Variants in SEMA4F observed in about 807,000 individuals in gnomAD.
SEMA4F encodes the protein semaphorin-4F.
In SEMA4F, 51 loss-of-function variants were observed where a neutral mutation model predicts 78.4. The observed-to-expected ratio is 0.65, with a 90% CI of 0.52 to 0.82. SEMA4F has a LOEUF of 0.82. SEMA4F is among the 40% of genes least tolerant of loss of function. The probability of loss-of-function intolerance (pLI) is 0.00; values close to 1 mark genes in which losing one functional copy is unlikely to be tolerated. For synonymous variants in SEMA4F, 418 were observed against 408.7 expected (o/e 1.02, Z -0.27); for missense variants, 938 against 1,014.4 (o/e 0.92, Z 1.02).
chr2:74,661,133 G>A (rs1021500147), intron 4 of SEMA4F, among the ~76,000 whole-genome samples: 3 of 152,240 alleles, frequency 2.0e-5, no homozygotes, highest in Non-Finnish European at 4.4e-5. Context: ...AAGGGTTAAA[G>A]AGAATGAGAA....
chr2:74,671,914 G>A (rs930380181), intron 5 of SEMA4F, among the ~76,000 whole-genome samples: 3 of 152,124 alleles, frequency 2.0e-5, no homozygotes, highest in African/African-American at 7.2e-5. Context: ...TCCTGTTAAT[G>A]GATTCTACCT....
intron 12 of SEMA4F, among the ~76,000 whole-genome samples, chr2:74,676,328 C>T (rs898158117): frequency 1.3e-5 from 2 of 152,186 alleles, no homozygotes; most frequent in Admixed American, 6.5e-5. Flanking sequence ...GGGTTCAGTC[C>T]TGGACCCATT....
In SEMA4F at chr2:74,656,616, A is replaced by G; in HGVS notation, c.228A>G (p.Thr76=). 3 of 1,614,034 alleles carry G rather than the reference A, an allele frequency of 1.9e-6. No homozygotes were observed. The highest frequency in any genetic ancestry group is 2.5e-6 in the Non-Finnish European group (3 of 1,179,996). ...TCCTTGTGGATCCTGCCTCCCACAC[A>G]CTTTATGTTGGCGCCCGGGACACCA... ...SVLLVDPASH[T]LYVGARDTIF... The change falls in exon 2 of 14, where the codon ACA becomes ACG. Residue 76 remains threonine (T), a synonymous_variant. Coordinates refer to ENST00000357877, the MANE Select transcript of SEMA4F (RefSeq NM_004263.5).
the SEMA4F span, among the ~76,000 whole-genome samples, chr2:74,699,386 C>T: frequency 2.6e-5 from 4 of 152,176 alleles, no homozygotes; most frequent in Admixed American, 6.6e-5. Flanking sequence ...GATCAGATAC[C>T]TCCTAGGTTT....
downstream of SEMA4F, among the ~76,000 whole-genome samples, chr2:74,686,790 C>A (rs1470065758): frequency 6.6e-6 from 1 of 151,792 alleles, no homozygotes; most frequent in Non-Finnish European, 1.5e-5. Context: ...GAAAACCAAA[C>A]ACTGCATGTT....
chr2:74,663,451 C>T (rs1403744279), intron 5 of SEMA4F, among the ~76,000 whole-genome samples: 1 of 152,110 alleles, frequency 6.6e-6, no homozygotes, highest in Non-Finnish European at 1.5e-5. Flanking sequence ...CTGTATTCGT[C>T]CATTTGTGTT....
At position 74,680,087 on chromosome 2, in the gene SEMA4F, G is replaced by T. The variant is rs747479052; in HGVS notation, c.2191G>T (p.Ala731Ser). 6.2e-7 allele frequency: 1 copy of T among 1,613,990 alleles called. No individual in the cohort carries two copies. The highest frequency in any genetic ancestry group is 1.7e-4 in the Middle Eastern group (1 of 6,060). ...AGATGAGCGGTTGCCGCTGGCCCTG[G>T]CCAAGAGGGGCAGTGGCTTTGGTGG... ...PEDERLPLAL[A>S]KRGSGFGGFS... Residue 731 changes from alanine (A) to serine (S), a missense_variant, in exon 14 of 14, where the codon GCC (alanine) becomes TCC (serine). Ala to Ser is a moderately conservative substitution (Grantham distance 99). Transcript: ENST00000357877.
At position 74,658,206 on chromosome 2, in the gene SEMA4F, G is replaced by A. The variant is rs189490851; in HGVS notation, c.456+255G>A. Among the ~76,000 whole-genome samples the A allele has an allele frequency of 5.9e-5, 9 of 152,292 alleles. No homozygotes were observed. The highest frequency in any genetic ancestry group is 5.9e-4 in the Admixed American group (9 of 15,310). On this transcript the variant is annotated intron_variant, in intron 4 of 13. Coordinates refer to ENST00000357877, the MANE Select transcript of SEMA4F (RefSeq NM_004263.5). This position sits in a 1 kb window ranked among gnomAD's most constrained non-coding sequence, Gnocchi z 4.3. ...TACAAAGTGTGAAGAGAGACATAGT[G>A]GGATAGTTAAGGAAGTTAGGGATGC...
chr2:74,694,774 A>G, the SEMA4F span, among the ~76,000 whole-genome samples: 1 of 152,254 alleles, frequency 6.6e-6, no homozygotes, highest in Non-Finnish European at 1.5e-5. Flanking sequence ...GCTGTAGGGA[A>G]TACAGAAGTG....
intron 5 of SEMA4F, among the ~76,000 whole-genome samples, chr2:74,665,902 G>GT (rs1203822562): frequency 0.011 from 1,551 of 135,682 alleles, 5 homozygotes; most frequent in Middle Eastern, 0.023. Flanking sequence ...AGTAATTTTT[G>GT]TTTTTTTTTT....
the SEMA4F span, among the ~76,000 whole-genome samples, chr2:74,696,436 G>T: frequency 1.3e-5 from 2 of 152,080 alleles, no homozygotes; most frequent in African/African-American, 4.8e-5. Context: ...GACCTCAGGT[G>T]ATCCACCCAC....
chr2:74,696,588 TA>T, the SEMA4F span, among the ~76,000 whole-genome samples: 3 of 151,998 alleles, frequency 2.0e-5, no homozygotes, highest in Admixed American at 1.3e-4. Flanking sequence ...GGGTGAGGGA[TA>T]AAAAAACTAC....
At position 74,654,254 on chromosome 2, in the gene SEMA4F, C is replaced by G; in HGVS notation, c.-123C>G. On this transcript the variant is annotated 5_prime_UTR_variant, in exon 1 of 14. In the 5' UTR this introduces an upstream ATG that the reference lacks. Transcript: ENST00000357877. ...GGGGCGGAGCCGGGCGGTGTTTCAT[C>G]CCTCAGCCTCAGGCTGAGCCGGACC... 1 of 1,152,974 alleles carries G rather than the reference C, an allele frequency of 8.7e-7. No individual in the cohort carries two copies. Among genetic ancestry groups the G allele is most frequent in the Non-Finnish European group, 1.1e-6 (1 of 880,642 alleles). The allele number at this position is 1,152,974 out of a possible 1,614,324, so 71.4% of individuals were successfully genotyped here. A position where few individuals can be genotyped will look rare whatever the true frequency, so the allele number is the denominator to read the frequency against.
chr2:74,666,639 A>G (rs1487227440), intron 5 of SEMA4F, among the ~76,000 whole-genome samples: 1 of 152,210 alleles, frequency 6.6e-6, no homozygotes, highest in Non-Finnish European at 1.5e-5. Context: ...CTGGTCTGAC[A>G]TAAGTGCTAG....
chr2:74,689,858 A>G, the SEMA4F span, among the ~76,000 whole-genome samples: 1 of 152,228 alleles, frequency 6.6e-6, no homozygotes, highest in Non-Finnish European at 1.5e-5. Context: ...CTCTATAATC[A>G]TGTCTCAACA....
At position 74,673,826 on chromosome 2, in the gene SEMA4F, G is replaced by A; in HGVS notation, c.820G>A (p.Ala274Thr). ...AGTCCCACGGGTGGCCCGTGTGTGT[G>A]CGGTGAGACCCCATCCCAGCTGTCT... ...IKVPRVARVC[A>T]GDLGGRKTLQ... The change falls in exon 7 of 14, where the codon GCG becomes ACG. Residue 274 changes from alanine to threonine, a missense_variant and splice_region_variant. Transcript: ENST00000357877. 6.2e-7 allele frequency: 1 copy of A among 1,612,794 alleles called. No homozygotes were observed. The highest frequency in any genetic ancestry group is 8.5e-7 in the Non-Finnish European group (1 of 1,179,220).
rs535756675 is a variant in SEMA4F, at chr2:74,680,742, G to A, written c.*533G>A. The A allele has an allele frequency of 8.5e-5, 13 of 153,830 alleles. No individual in the cohort carries two copies. The highest frequency in any genetic ancestry group is 3.9e-4 in the East Asian group (2 of 5,174). The allele number at this position is 153,830 out of a possible 1,614,324, so 9.5% of individuals were successfully genotyped here. On this transcript the variant is annotated 3_prime_UTR_variant, in exon 14 of 14. Transcript: ENST00000357877. ...CAGTTTTCCTTCCATGAAAGAGTAC[G>A]TGTAAATACATAGTGTTCATAAGAG...
intron 5 of SEMA4F, among the ~76,000 whole-genome samples, chr2:74,668,802 A>T (rs1000991868): frequency 2.6e-5 from 4 of 151,624 alleles, no homozygotes; most frequent in Non-Finnish European, 4.4e-5. Flanking sequence ...GCTAATTTTT[A>T]TATTTTTAGC....
intron 5 of SEMA4F, among the ~76,000 whole-genome samples, chr2:74,667,358 A>C (rs1684748925): frequency 6.6e-6 from 1 of 152,208 alleles, no homozygotes; most frequent in African/African-American, 2.4e-5. Context: ...ATGGTGCTTG[A>C]TGGATTTGGA....
Sources: gnomAD v4.1 joint callset for allele counts (sites outside exome capture counted in the v4.1 genomes callset) on GRCh38, gnomAD v4.1.1 for gene constraint, Gnocchi (gnomAD v3.1) non-coding constraint, MANE v1.5 for transcripts, NCBI Gene and HGNC (gene_info 2026-07-23, HGNC 2026-07-21) for gene names.